MXRA7: variants seen among roughly 807,000 people sequenced by gnomAD.
The protein encoded by MXRA7 is matrix-remodeling-associated protein 7.
In MXRA7, 18 loss-of-function variants were observed where a neutral mutation model predicts 17.4. That is an observed-to-expected ratio of 1.03 (90% confidence interval 0.71 to 1.53). The LOEUF is 1.53. Among genes scored for constraint, MXRA7 ranks in the 40% most tolerant of loss-of-function variants. The probability of loss-of-function intolerance (pLI) is 0.00; values close to 1 mark genes in which losing one functional copy is unlikely to be tolerated. For missense variants in MXRA7, 141 were observed against 209.3 expected (o/e 0.67, Z 2.01); for synonymous variants, 70 against 101.7 (o/e 0.69, Z 1.87).
At chr17:76,698,464 C>A (rs570968104) in intron 1 of MXRA7, among the ~76,000 whole-genome samples, 1 of 152,134 alleles carries the variant, frequency 6.6e-6, no homozygotes, top group African/African-American at 2.4e-5. Flanking sequence ...CCTCCATACC[C>A]GGCAAAACAA....
intron 2 of MXRA7, 143 bp downstream of exon 2, chr17:76,687,970 C>G (rs1301731410): frequency 1.2e-6 from 1 of 831,166 alleles, no homozygotes; most frequent in African/African-American, 1.7e-5. Flanking sequence ...GCGCCAGACT[C>G]TACCTCTCAT....
At position 76,706,799 on chromosome 17, in the gene MXRA7, C is replaced by G. The variant is rs143392936; in HGVS notation, c.342+3806G>C. Among the ~76,000 whole-genome samples, 1,381 of 152,336 alleles carry G rather than the reference C, an allele frequency of 9.1e-3. 25 individuals are homozygous for G. The highest frequency in any genetic ancestry group is 0.031 in the African/African-American group (1,282 of 41,576). On this transcript the variant is annotated intron_variant, in intron 1 of 3. Transcript: ENST00000449428. ...AAAGAAGAATGTTGGCTTCTTTGTT[C>G]CAACATTCTCTTTTGAAAAATTCCA...
chr17:76,691,107 C>G (rs555508317), intron 1 of MXRA7, among the ~76,000 whole-genome samples: 185 of 152,276 alleles, frequency 1.2e-3, no homozygotes, highest in Non-Finnish European at 2.2e-3. Flanking sequence ...CCACCACCCC[C>G]CAGCTTCCTC....
chr17:76,709,614 A>G (rs2076697932), intron 1 of MXRA7: 1 of 153,356 alleles, frequency 6.5e-6, no homozygotes, highest in Non-Finnish European at 1.5e-5. Flanking sequence ...GCAGACACGC[A>G]GGCACGCTGA....
intron 1 of MXRA7, among the ~76,000 whole-genome samples, chr17:76,692,176 C>T (rs2076484349): frequency 6.7e-6 from 1 of 149,868 alleles, no homozygotes; most frequent in Non-Finnish European, 1.5e-5. Flanking sequence ...GGGGGTGCCA[C>T]TGCATTCCAG....
intron 1 of MXRA7, chr17:76,689,374 T>C (rs2076451144): frequency 6.6e-6 from 1 of 152,258 alleles, no homozygotes; most frequent in South Asian, 2.1e-4. Context: ...ATTACAGGAG[T>C]GAGCCACTGT....
At chr17:76,694,284 C>G (rs978211182) in intron 1 of MXRA7, among the ~76,000 whole-genome samples, 2 of 152,146 alleles carry the variant, frequency 1.3e-5, no homozygotes, top group Non-Finnish European at 2.9e-5. Context: ...CATTCCAACT[C>G]CCACAGCCCC....
intron 1 of MXRA7, among the ~76,000 whole-genome samples, chr17:76,708,920 C>T (rs1347493802): frequency 6.6e-6 from 1 of 152,168 alleles, no homozygotes; most frequent in Non-Finnish European, 1.5e-5. Context: ...CTGCCTGGCA[C>T]GCGAACCCCC....
chr17:76,701,381 T>C (rs945170599), intron 1 of MXRA7, among the ~76,000 whole-genome samples: 2 of 151,062 alleles, frequency 1.3e-5, no homozygotes, highest in Non-Finnish European at 1.5e-5. Flanking sequence ...CGGGATGAGA[T>C]GAGGAATGCC....
intron 1 of MXRA7, among the ~76,000 whole-genome samples, chr17:76,706,426 CAA>C (rs1567991115): frequency 3.8e-4 from 55 of 145,784 alleles, no homozygotes; most frequent in Admixed American, 6.8e-4. Context: ...ACTGCCATCA[CAA>C]AGGACCACAC....
At chr17:76,688,635 T>C (rs1461848221) in intron 1 of MXRA7, 1 of 1,241,404 alleles carries the variant, frequency 8.1e-7, no homozygotes, top group Non-Finnish European at 1.0e-6. Context: ...TCCCCAACTC[T>C]CTCAGTGTCC....
At chr17:76,696,177 G>A (rs759671193) in intron 1 of MXRA7, among the ~76,000 whole-genome samples, 25 of 152,220 alleles carry the variant, frequency 1.6e-4, no homozygotes, top group Non-Finnish European at 2.5e-4. Context: ...ACACTAAAGC[G>A]TTTGGTTTCA....
chr17:76,706,359 A>ACAGAGGCCCACTCTGCCG (rs1285639937), intron 1 of MXRA7, among the ~76,000 whole-genome samples: 1 of 39,194 alleles, frequency 2.6e-5, no homozygotes, highest in African/African-American at 8.4e-5. Flanking sequence ...CCACTCTGCC[A>ACAGAGGCCCACTCTGCCG]TCACAGAGGC....
rs544194179 is a variant in MXRA7, at chr17:76,692,855, G to T, written c.343-4679C>A. On this transcript the variant is annotated intron_variant, in intron 1 of 3. Transcript: ENST00000449428. ...TCGAAAAACCTTTTATCGACTGTTG[G>T]TCAGTGACGGGAAAAGATTGCACTG... 8.5e-5 allele frequency among the ~76,000 whole-genome samples: 13 copies of T among 152,202 alleles called. No individual in the cohort carries two copies. The South Asian group carries it at 2.7e-3, about 32-fold the overall frequency.
intron 3 of MXRA7, among the ~76,000 whole-genome samples, chr17:76,682,466 G>A (rs954979001): frequency 1.3e-5 from 2 of 152,046 alleles, no homozygotes; most frequent in East Asian, 1.9e-4. Context: ...ATTCTAGGGC[G>A]GTTCCCTGGA....
intron 1 of MXRA7, among the ~76,000 whole-genome samples, chr17:76,706,317 A>AGAGGCCCACGCTGCCG (rs1567990929): frequency 3.9e-5 from 2 of 51,276 alleles, no homozygotes; most frequent in African/African-American, 1.3e-4. Context: ...CCACGCTGCC[A>AGAGGCCCACGCTGCCG]TCACAAAGGA....
chr17:76,708,874 C>T (rs1390193525), intron 1 of MXRA7, among the ~76,000 whole-genome samples: 1 of 152,120 alleles, frequency 6.6e-6, no homozygotes. Flanking sequence ...AGACACAAGC[C>T]TCAAGTCATC....
intron 3 of MXRA7, chr17:76,683,807 G>A: frequency 6.6e-7 from 1 of 1,512,508 alleles, no homozygotes; most frequent in Non-Finnish European, 9.2e-7. Context: ...GCACGCAGTA[G>A]AAGGGGAGCA....
chr17:76,710,666 C>A lies in MXRA7; in HGVS notation c.281G>T (p.Gly94Val). Residue 94 changes from glycine to valine, a missense_variant, in exon 1 of 4, where the codon GGG (glycine) becomes GTG (valine). Around this residue, in one of 3 missense-constraint regions of MXRA7, gnomAD observed 72 missense variants for 111.9 expected, o/e 0.64. Coordinates refer to ENST00000449428, the MANE Select transcript of MXRA7 (RefSeq NM_198530.4). ...TGGCGCCGCCGCGGGATCCCCTGGC[C>A]CTTCGGGCTCCCCCGGTCCCGCAGG... The part of the protein sequence containing the change: ...GEPAGPGEPE[G>V]PGDPAAAPAE... The A allele has an allele frequency of 2.3e-6, 3 of 1,330,884 alleles. No individual in the cohort carries two copies. Among genetic ancestry groups the A allele is most frequent in the South Asian group, 1.8e-5 (1 of 56,530 alleles). The allele number at this position is 1,330,884 out of a possible 1,614,324, so 82.4% of individuals were successfully genotyped here. A position where few individuals can be genotyped will look rare whatever the true frequency, so the allele number is the denominator to read the frequency against.
Sources: allele counts gnomAD v4.1 joint callset (sites outside exome capture counted in the v4.1 genomes callset), GRCh38; gene constraint gnomAD v4.1.1; regional missense constraint gnomAD v4.1.1; transcripts MANE v1.5; gene names NCBI Gene and HGNC (gene_info 2026-07-23, HGNC 2026-07-21).